Variants in TMEM167A observed in about 807,000 individuals in gnomAD.
TMEM167A encodes protein kish-A.
Under a neutral mutation model 11.6 loss-of-function variants are expected in TMEM167A, and 8 were observed. That is an observed-to-expected ratio of 0.69 (90% CI 0.40 to 1.24). The LOEUF is 1.24. Among genes scored for constraint, TMEM167A ranks in the 50% most tolerant of loss-of-function variants. The probability of loss-of-function intolerance (pLI) is 0.01; values close to 1 mark genes in which losing one functional copy is unlikely to be tolerated. For synonymous variants in TMEM167A, 22 were observed against 28.0 expected (o/e 0.79, Z 0.67); for missense variants, 62 against 87.0 (o/e 0.71, Z 1.14).
chr5:83,075,269 T>C (rs781666127), intron 1 of TMEM167A, among the ~76,000 whole-genome samples: 9 of 152,146 alleles, frequency 5.9e-5, no homozygotes, highest in Non-Finnish European at 1.3e-4. Flanking sequence ...TAGAAGGGGT[T>C]AAGGGAGGCT....
chr5:83,074,965 T>TC (rs1482678156), intron 1 of TMEM167A, among the ~76,000 whole-genome samples: 1 of 152,140 alleles, frequency 6.6e-6, no homozygotes, highest in Non-Finnish European at 1.5e-5. Context: ...AGATGGGGTT[T>TC]CTCCACACTG....
intron 2 of TMEM167A, among the ~76,000 whole-genome samples, chr5:83,062,777 TTA>T (rs1054571690): frequency 5.3e-5 from 8 of 151,852 alleles, no homozygotes; most frequent in East Asian, 1.9e-4. Context: ...TAAATTAATA[TTA>T]TGTTACGTAA....
At chr5:83,067,886 A>G (rs1318871918) in intron 1 of TMEM167A, among the ~76,000 whole-genome samples, 1 of 152,192 alleles carries the variant, frequency 6.6e-6, no homozygotes, top group Non-Finnish European at 1.5e-5. Context: ...GAAAAAGACA[A>G]AAATGATTTG....
At position 83,073,269 on chromosome 5, in the gene TMEM167A, T is replaced by C. The variant is rs542268962; in HGVS notation, c.3+4052A>G. Among the ~76,000 whole-genome samples the C allele has an allele frequency of 7.9e-5, 12 of 152,312 alleles. No homozygotes were observed. In the East Asian group the frequency reaches 2.3e-3, roughly 29 times the overall value. ...AAAATAAAACACCTGTCAGAGTAGG[T>C]GCTTAACGAAAACAGTAAGCCCTCA... On this transcript the variant is annotated intron_variant, in intron 1 of 3. Coordinates refer to ENST00000502346, the MANE Select transcript of TMEM167A (RefSeq NM_174909.5).
At position 83,074,012 on chromosome 5, in the gene TMEM167A, T is replaced by C. The variant is rs530991255; in HGVS notation, c.3+3309A>G. On this transcript the variant is annotated intron_variant, in intron 1 of 3. Coordinates refer to ENST00000502346, the MANE Select transcript of TMEM167A (RefSeq NM_174909.5). ...TTCCTCCATTTAAATATACTCTATGTTGTTACCAGTTGGTTTTCTAAAATG... is the reference window on the plus strand; with the variant it reads ...TTCCTCCATTTAAATATACTCTATGCTGTTACCAGTTGGTTTTCTAAAATG... Among the ~76,000 whole-genome samples the C allele has an allele frequency of 2.0e-5, 3 of 152,350 alleles. No individual in the cohort carries two copies. In the South Asian group the frequency reaches 6.2e-4, roughly 32 times the overall value.
chr5:83,062,814 T>C (rs1580174409), intron 2 of TMEM167A, among the ~76,000 whole-genome samples: 1 of 151,374 alleles, frequency 6.6e-6, no homozygotes, highest in Non-Finnish European at 1.5e-5. Flanking sequence ...CTCAAGAAAA[T>C]CAGAATACTT....
chr5:83,060,675 C>CA (rs1247868915), intron 3 of TMEM167A, among the ~76,000 whole-genome samples: 4 of 151,552 alleles, frequency 2.6e-5, no homozygotes, highest in South Asian at 2.1e-4. Context: ...ACTAAAAATA[C>CA]AAAAAATTAG....
In TMEM167A at chr5:83,053,126, G is replaced by T. The variant is rs1306413643; in HGVS notation, c.*3958C>A. On this transcript the variant is annotated 3_prime_UTR_variant, in exon 4 of 4. Transcript: ENST00000502346. Reference sequence around the variant, plus strand: ...AGGTTGTACAGCGTTCACAATGCTGGTATTAATCAGCTACATATTTTGAAC... The same window carrying T: ...AGGTTGTACAGCGTTCACAATGCTGTTATTAATCAGCTACATATTTTGAAC... 1.3e-5 allele frequency: 2 copies of T among 151,886 alleles called. No homozygotes were observed. Among genetic ancestry groups the T allele is most frequent in the Non-Finnish European group, 2.9e-5 (2 of 67,906 alleles). The allele number at this position is 151,886 out of a possible 1,614,324, so 9.4% of individuals were successfully genotyped here. A position where few individuals can be genotyped will look rare whatever the true frequency, so the allele number is the denominator to read the frequency against.
At position 83,061,876 on chromosome 5, in the gene TMEM167A, C is replaced by A. The variant is rs1428222962; in HGVS notation, c.148+1G>T. On this transcript the variant is annotated splice_donor_variant, in intron 3 of 3. Coordinates refer to ENST00000502346, the MANE Select transcript of TMEM167A (RefSeq NM_174909.5). LOFTEE classifies it high-confidence loss of function. Reference sequence around the variant, plus strand: ...AATGGAGGGAGATTATAGACACTTACCAATTCTGGCACACTTCCAAAATAT... The same window carrying A: ...AATGGAGGGAGATTATAGACACTTAACAATTCTGGCACACTTCCAAAATAT... The A allele has an allele frequency of 6.2e-7, 1 of 1,612,504 alleles. No individual in the cohort carries two copies. The highest frequency in any genetic ancestry group is 2.2e-5 in the East Asian group (1 of 44,808).
chr5:83,074,472 T>C (rs573300025), intron 1 of TMEM167A, among the ~76,000 whole-genome samples: 1 of 152,238 alleles, frequency 6.6e-6, no homozygotes, highest in Non-Finnish European at 1.5e-5. Flanking sequence ...ATCTATTCTC[T>C]GGAGACTCAG....
chr5:83,064,428 A>G, intron 2 of TMEM167A: 2 of 462,510 alleles, frequency 4.3e-6, no homozygotes, highest in East Asian at 1.3e-4. Context: ...AAACACTTAA[A>G]TATCTTAGAT....
chr5:83,072,798 T>G (rs1049118483), intron 1 of TMEM167A, among the ~76,000 whole-genome samples: 1 of 152,126 alleles, frequency 6.6e-6, no homozygotes, highest in Non-Finnish European at 1.5e-5. Context: ...CAATCAGTAT[T>G]CAAAAGCTTT....
intron 2 of TMEM167A, chr5:83,064,154 T>C (rs1218078837): frequency 2.0e-6 from 1 of 493,180 alleles, no homozygotes; most frequent in Non-Finnish European, 4.0e-6. Flanking sequence ...CAGTTGACTG[T>C]ATTAGTACAT....
Position 83,062,075 on chromosome 5 carries a change from T to C in TMEM167A, c.114-164A>G, listed in dbSNP as rs1214244887. The C allele has an allele frequency of 2.1e-5, 12 of 582,754 alleles. 1 individual carries two copies. Among genetic ancestry groups the C allele is most frequent in the South Asian group, 1.1e-4 (5 of 46,020 alleles). 36.1% of individuals were successfully genotyped at this position (582,754 alleles called of 1,614,324 possible). On this transcript the variant is annotated intron_variant, in intron 2 of 3. Transcript: ENST00000502346. ...ATTTGATGTTGAGCCACCATTCATGTATGAAAGTAGGACACAATGACATAT... is the reference window on the plus strand; with the variant it reads ...ATTTGATGTTGAGCCACCATTCATGCATGAAAGTAGGACACAATGACATAT...
chr5:83,061,921 AT>A lies in TMEM167A; in HGVS notation c.114-11del. 6.2e-7 allele frequency: 1 copy of A among 1,610,874 alleles called. No individual in the cohort carries two copies. Among genetic ancestry groups the A allele is most frequent in the Non-Finnish European group, 8.5e-7 (1 of 1,177,344 alleles). On this transcript the variant is annotated splice_polypyrimidine_tract_variant and intron_variant, in intron 2 of 3. Transcript: ENST00000502346. ...AAATATACCCAACAATCTGCATAGA[AT>A]AAAAAAAGAAAAAAAGTAGCTATTG... is the stretch of plus-strand genomic sequence containing the variant.
Position 83,056,039 on chromosome 5 carries a change from GC to G in TMEM167A, c.*1044del, listed in dbSNP as rs1744325653. On this transcript the variant is annotated 3_prime_UTR_variant, in exon 4 of 4. Transcript: ENST00000502346. The stretch of plus-strand genomic sequence containing the variant: ...AAGTCACATTCCTAATATTCCTCTC[GC>G]CTAGACTAAAAATTGTTGAAGGTCT... The G allele has an allele frequency of 6.6e-6, 1 of 151,664 alleles. No individual in the cohort carries two copies. The highest frequency in any genetic ancestry group is 1.5e-5 in the Non-Finnish European group (1 of 67,856). 9.4% of individuals were successfully genotyped at this position (151,664 alleles called of 1,614,324 possible). A position where few individuals can be genotyped will look rare whatever the true frequency, so the allele number is the denominator to read the frequency against.
chr5:83,077,355 C>G lies in TMEM167A; in HGVS notation c.-32G>C, dbSNP rs1232163031. 6.2e-7 allele frequency: 1 copy of G among 1,614,042 alleles called. No homozygotes were observed. Among genetic ancestry groups the G allele is most frequent in the Non-Finnish European group, 8.5e-7 (1 of 1,180,014 alleles). ...GCCGGCGATGCCGCAGCCACATCACCCTTCCGGGGCTCAGGCGGAAGAGGC... is the reference window on the plus strand; with the variant it reads ...GCCGGCGATGCCGCAGCCACATCACGCTTCCGGGGCTCAGGCGGAAGAGGC... On this transcript the variant is annotated 5_prime_UTR_variant, in exon 1 of 4. Transcript: ENST00000502346.
rs1744336037 is a variant in TMEM167A, at chr5:83,056,636, A to G, written c.*448T>C. ...TGTGCCCAGAGGAAAAGCAAGCACT[A>G]TTAAATATTAATGCAATCCTTATCA... On this transcript the variant is annotated 3_prime_UTR_variant, in exon 4 of 4. Coordinates refer to ENST00000502346, the MANE Select transcript of TMEM167A (RefSeq NM_174909.5). 9.9e-6 allele frequency: 2 copies of G among 201,404 alleles called. No homozygotes were observed. Among genetic ancestry groups the G allele is most frequent in the Admixed American group, 6.2e-5 (1 of 16,176 alleles). The allele number at this position is 201,404 out of a possible 1,614,324, so 12.5% of individuals were successfully genotyped here.
chr5:83,064,657 A>G (rs1744455605), intron 2 of TMEM167A, among the ~76,000 whole-genome samples: 1 of 152,104 alleles, frequency 6.6e-6, no homozygotes, highest in Non-Finnish European at 1.5e-5. Context: ...TAAATTCAAC[A>G]GGACTTTACT....
Sources: allele counts gnomAD v4.1 joint callset (sites outside exome capture counted in the v4.1 genomes callset), GRCh38; gene constraint gnomAD v4.1.1; transcripts MANE v1.5; gene names NCBI Gene and HGNC (gene_info 2026-07-23, HGNC 2026-07-21).